ADAMTS6: variants seen among roughly 807,000 people sequenced by gnomAD.
The protein encoded by ADAMTS6 is A disintegrin and metalloproteinase with thrombospondin motifs 6.
A neutral mutation model predicts 144.3 loss-of-function variants in ADAMTS6; 23 were observed. The observed-to-expected ratio is 0.16, with a 90% CI of 0.11 to 0.23. The LOEUF (loss-of-function observed/expected upper bound fraction) is 0.23. Among genes scored for constraint, ADAMTS6 ranks in the 10% least tolerant of loss-of-function variants. The pLI is 1.00. For missense variants in ADAMTS6, 999 were observed against 1,379.6 expected, an observed-to-expected ratio of 0.72 and a Z score of 4.37; for synonymous variants, 444 against 457.5, an observed-to-expected ratio of 0.97 and a Z score of 0.38.
intron 20 of ADAMTS6, among the ~76,000 whole-genome samples, chr5:65,205,374 A>G (rs1394568762): frequency 1.3e-5 from 2 of 152,018 alleles, no homozygotes; most frequent in East Asian, 1.9e-4. Context: ...AGAATTGACA[A>G]AAAATTAAAA....
At chr5:65,248,770 G>A (rs1214220637) in intron 14 of ADAMTS6, among the ~76,000 whole-genome samples, 2 of 152,098 alleles carry the variant, frequency 1.3e-5, no homozygotes, top group African/African-American at 4.8e-5. Context: ...CTGGGCAACA[G>A]AGCCTGACTG....
At chr5:65,285,382 C>A (rs1763284164) in intron 11 of ADAMTS6, among the ~76,000 whole-genome samples, 1 of 152,266 alleles carries the variant, frequency 6.6e-6, no homozygotes, top group East Asian at 1.9e-4. Context: ...CCAGATAACT[C>A]TTCTCACTCA....
In ADAMTS6 at chr5:65,171,199, C is replaced by T. The variant is rs539456779; in HGVS notation, c.3088-426G>A. 1.1e-4 allele frequency among the ~76,000 whole-genome samples: 16 copies of T among 152,074 alleles called. No individual in the cohort carries two copies. In the East Asian group the frequency reaches 1.9e-3, roughly 18 times the overall value. On this transcript the variant is annotated intron_variant, in intron 23 of 24. Transcript: ENST00000381055. ...TAATTTTTTGTATTTTTAGTAGAGACGGGGTTTCACCATCTTAGCCAGCAT... is the reference window on the plus strand; with the variant it reads ...TAATTTTTTGTATTTTTAGTAGAGATGGGGTTTCACCATCTTAGCCAGCAT...
intron 7 of ADAMTS6, among the ~76,000 whole-genome samples, chr5:65,397,216 CT>C (rs1175247870): frequency 6.6e-6 from 1 of 151,970 alleles, no homozygotes; most frequent in Non-Finnish European, 1.5e-5. Context: ...TAATCTGCGT[CT>C]TTTTTTTCTT....
intron 20 of ADAMTS6, among the ~76,000 whole-genome samples, chr5:65,197,983 C>G (rs1390076486): frequency 6.6e-6 from 1 of 152,178 alleles, no homozygotes; most frequent in African/African-American, 2.4e-5. Context: ...CACAAACACA[C>G]ACTCGTATTT....
chr5:65,395,579 C>CA (rs1370043844), intron 7 of ADAMTS6, among the ~76,000 whole-genome samples: 1 of 152,070 alleles, frequency 6.6e-6, no homozygotes, highest in Non-Finnish European at 1.5e-5. Flanking sequence ...ATTATTTATA[C>CA]AAAAAAACAA....
intron 14 of ADAMTS6, among the ~76,000 whole-genome samples, chr5:65,250,455 T>C (rs764667955): frequency 2.0e-5 from 3 of 152,148 alleles, no homozygotes; most frequent in Non-Finnish European, 4.4e-5. Context: ...AGGCAATGCA[T>C]TGAAAAGGAA....
chr5:65,306,570 A>T (rs1743959357), intron 9 of ADAMTS6, among the ~76,000 whole-genome samples: 1 of 152,248 alleles, frequency 6.6e-6, no homozygotes, highest in Non-Finnish European at 1.5e-5. Context: ...ATAGATGTGC[A>T]AAATAGATTT....
chr5:65,418,496 G>A (rs938733383), intron 7 of ADAMTS6, among the ~76,000 whole-genome samples: 2 of 152,112 alleles, frequency 1.3e-5, no homozygotes, highest in African/African-American at 4.8e-5. Context: ...AAAAGATGTG[G>A]AAATAGGCAG....
chr5:65,471,261 A>G (rs1760410414), intron 2 of ADAMTS6, 119 bp from the exon 3 acceptor site: 2 of 1,000,300 alleles, frequency 2.0e-6, no homozygotes, highest in African/African-American at 3.4e-5. Context: ...ATGAATCATT[A>G]TATGTGAGGT....
At chr5:65,388,137 G>A (rs1752624698) in intron 7 of ADAMTS6, among the ~76,000 whole-genome samples, 1 of 152,150 alleles carries the variant, frequency 6.6e-6, no homozygotes, top group African/African-American at 2.4e-5. Flanking sequence ...TTGAACCCAG[G>A]AGGCAGAGTT....
Position 65,381,529 on chromosome 5 carries a change from A to ATT in ADAMTS6, c.1074-47446_1074-47445dup, listed in dbSNP as rs748143650. On this transcript the variant is annotated intron_variant, in intron 7 of 24. Coordinates refer to ENST00000381055, the MANE Select transcript of ADAMTS6 (RefSeq NM_197941.4). ...AGGCATGGATCACCGTGCCTGGCTA[A>ATT]TTTTTTTTTTTTTTTTTTTTTTTTT... 6.3e-3 allele frequency among the ~76,000 whole-genome samples: 649 copies of ATT among 103,044 alleles called. 26 individuals carry two copies. The highest frequency in any genetic ancestry group is 0.022 in the African/African-American group (593 of 27,040). 67.6% of individuals were successfully genotyped at this position (103,044 alleles called of 152,430 possible).
At chr5:65,195,730 TAG>T (rs1285672794) in intron 21 of ADAMTS6, among the ~76,000 whole-genome samples, 1 of 152,236 alleles carries the variant, frequency 6.6e-6, no homozygotes, top group African/African-American at 2.4e-5. Context: ...TCTCCAGTTG[TAG>T]AGAGTTTGGA....
chr5:65,169,810 C>G (rs895507685), intron 24 of ADAMTS6, among the ~76,000 whole-genome samples: 2 of 148,942 alleles, frequency 1.3e-5, no homozygotes, highest in African/African-American at 5.0e-5. Flanking sequence ...ACTGCATATT[C>G]TCACTCATAG....
chr5:65,288,486 A>AT (rs1189480613), intron 11 of ADAMTS6, among the ~76,000 whole-genome samples: 1 of 151,834 alleles, frequency 6.6e-6, no homozygotes, highest in African/African-American at 2.4e-5. Context: ...CGCCCAGCTA[A>AT]TTTTTGTATT....
chr5:65,332,925 T>C (rs1027658919), intron 8 of ADAMTS6, among the ~76,000 whole-genome samples: 3 of 152,136 alleles, frequency 2.0e-5, no homozygotes, highest in African/African-American at 7.2e-5. Context: ...GATTTCTTCT[T>C]CAGCCATAAA....
At chr5:65,275,369 A>C (rs975462295) in intron 11 of ADAMTS6, among the ~76,000 whole-genome samples, 1 of 111,128 alleles carries the variant, frequency 9.0e-6, no homozygotes, top group Non-Finnish European at 2.0e-5. Context: ...GAAAGAAAGA[A>C]AGAAAGAAAG....
chr5:65,291,254 C>T (rs1165185163), intron 11 of ADAMTS6, 75 bp downstream of exon 11: 11 of 1,505,512 alleles, frequency 7.3e-6, no homozygotes, highest in East Asian at 7.0e-5. Context: ...CGACATTCAT[C>T]GTAATTCCAT....
chr5:65,229,845 A>G (rs1758009545), intron 15 of ADAMTS6, among the ~76,000 whole-genome samples: 1 of 152,170 alleles, frequency 6.6e-6, no homozygotes, highest in Non-Finnish European at 1.5e-5. Context: ...GGCTTATTTA[A>G]AGAAATAATG....
Sources: allele counts gnomAD v4.1 joint callset (sites outside exome capture counted in the v4.1 genomes callset), GRCh38; gene constraint gnomAD v4.1.1; transcripts MANE v1.5; gene names NCBI Gene and HGNC (gene_info 2026-07-23, HGNC 2026-07-21).